Variants in MCC observed in about 807,000 individuals in gnomAD.
The protein encoded by MCC is MCC regulator of Wnt signaling pathway.
In MCC, 90 loss-of-function variants were observed where a neutral mutation model predicts 116.2. That is an observed-to-expected ratio of 0.77 (90% CI 0.65 to 0.92). The LOEUF is 0.92. Ranked by LOEUF, MCC falls within the 40% of genes least tolerant of loss-of-function variation. The pLI, the probability that MCC is intolerant of heterozygous loss-of-function variation, is 0.00. For synonymous variants in MCC, 578 were observed against 510.5 expected, an observed-to-expected ratio of 1.13 and a Z score of -1.78; for missense variants, 1,516 against 1,312.2, an observed-to-expected ratio of 1.16 and a Z score of -2.40.
At chr5:113,261,477 C>T (rs1306306128) in intron 3 of MCC, among the ~76,000 whole-genome samples, 1 of 152,100 alleles carries the variant, frequency 6.6e-6, no homozygotes, top group African/African-American at 2.4e-5. Flanking sequence ...TTTTCCTGAA[C>T]TTCTTCTGTA....
At chr5:113,333,851 G>GTACATATGTACATATA (rs1767797014) in intron 3 of MCC, among the ~76,000 whole-genome samples, 2 of 118,062 alleles carry the variant, frequency 1.7e-5, no homozygotes, top group African/African-American at 6.9e-5. Flanking sequence ...ATGTATATAT[G>GTACATATGTACATATA]TACATATATG....
chr5:113,428,954 T>A (rs1184516654), intron 1 of MCC, among the ~76,000 whole-genome samples: 3 of 152,242 alleles, frequency 2.0e-5, no homozygotes, highest in African/African-American at 7.2e-5. Context: ...TGTTTCCCAG[T>A]CTAGCTAATA....
At chr5:113,038,472 G>A (rs1379610758) in intron 17 of MCC, among the ~76,000 whole-genome samples, 2 of 152,142 alleles carry the variant, frequency 1.3e-5, no homozygotes, top group Non-Finnish European at 2.9e-5. Flanking sequence ...CATGGGAGAA[G>A]GAAATTCATG....
intron 3 of MCC, among the ~76,000 whole-genome samples, chr5:113,323,675 G>A (rs1767479225): frequency 6.6e-6 from 1 of 152,182 alleles, no homozygotes; most frequent in Non-Finnish European, 1.5e-5. Flanking sequence ...TTAACACATT[G>A]GGAATCCTTT....
chr5:113,089,644 G>A (rs7714275), intron 8 of MCC, among the ~76,000 whole-genome samples: 69,572 of 152,126 alleles, frequency 0.46, 17,474 homozygotes, highest in African/African-American at 0.69. Context: ...GGTGCCACAC[G>A]TGGCTGTAAG....
At chr5:113,090,017 T>G (rs984540338) in intron 8 of MCC, among the ~76,000 whole-genome samples, 1 of 152,202 alleles carries the variant, frequency 6.6e-6, no homozygotes, top group South Asian at 2.1e-4. Context: ...AGTCAACAAT[T>G]AGAGATGTAA....
At chr5:113,361,535 T>C (rs1768547815) in intron 2 of MCC, among the ~76,000 whole-genome samples, 1 of 152,262 alleles carries the variant, frequency 6.6e-6, no homozygotes, top group Admixed American at 6.5e-5. Flanking sequence ...AATTTCATCT[T>C]TGAGCCATGG....
intron 8 of MCC, among the ~76,000 whole-genome samples, chr5:113,100,665 G>T (rs1037610054): frequency 6.6e-6 from 1 of 151,868 alleles, no homozygotes; most frequent in African/African-American, 2.4e-5. Flanking sequence ...GGAGACGGGG[G>T]TTTCATCATA....
chr5:113,330,858 T>A (rs1054346136), intron 3 of MCC, among the ~76,000 whole-genome samples: 2 of 152,208 alleles, frequency 1.3e-5, no homozygotes, highest in Non-Finnish European at 2.9e-5. Flanking sequence ...AGAATCATTT[T>A]AAAAAATACT....
chr5:113,167,578 T>G (rs981774366), intron 3 of MCC, among the ~76,000 whole-genome samples: 3 of 152,154 alleles, frequency 2.0e-5, no homozygotes, highest in African/African-American at 7.2e-5. Context: ...TAAAACAATT[T>G]TTTTCTGGGG....
At chr5:113,068,210 C>A (rs201684332) in intron 12 of MCC, 27 bp from the exon 13 acceptor site, 58 of 1,577,280 alleles carry the variant, frequency 3.7e-5, no homozygotes, top group Non-Finnish European at 4.1e-5. Context: ...GGGGCCTCAG[C>A]CCTTGCAGAG....
intron 3 of MCC, among the ~76,000 whole-genome samples, chr5:113,207,661 T>C (rs1345955493): frequency 2.0e-5 from 3 of 152,184 alleles, no homozygotes; most frequent in Non-Finnish European, 4.4e-5. Flanking sequence ...TAAAGGGTTT[T>C]CCTAGGGCAC....
Position 113,022,851 on chromosome 5 carries a change from C to CTATT in MCC, c.*4447_*4450dup, listed in dbSNP as rs1233156242. 1 of 152,210 alleles carries CTATT rather than the reference C, an allele frequency of 6.6e-6. No individual in the cohort carries two copies. Among genetic ancestry groups the CTATT allele is most frequent in the Non-Finnish European group, 1.5e-5 (1 of 68,044 alleles). The allele number at this position is 152,210 out of a possible 1,614,324, so 9.4% of individuals were successfully genotyped here. ...AGGATGTGGTTTTACATAGCAGTTG[C>CTATT]TATTTCCGGGACTGAATGATTTCTT... On this transcript the variant is annotated 3_prime_UTR_variant, in exon 19 of 19. Transcript: ENST00000408903.
chr5:113,270,237 A>G (rs1048611461), intron 3 of MCC, among the ~76,000 whole-genome samples: 2 of 152,142 alleles, frequency 1.3e-5, no homozygotes, highest in African/African-American at 4.8e-5. Flanking sequence ...TAGGAATGTA[A>G]TAGTTCTAAG....
intron 3 of MCC, among the ~76,000 whole-genome samples, chr5:113,315,704 C>CAAAAAAAAAAAAAAAA (rs35274366): frequency 1.6e-5 from 1 of 64,470 alleles, no homozygotes; most frequent in Non-Finnish European, 3.1e-5. Context: ...CCCATCTCTA[C>CAAAAAAAAAAAAAAAA]AAAAAAAAAA....
chr5:113,449,039 A>G lies in MCC; in HGVS notation c.170+39206T>C, dbSNP rs1241905419. The stretch of plus-strand genomic sequence containing the variant: ...TACTATTAACCTTCAGTCAGTCATC[A>G]GTGTCTGCCCAGTCTCTACTGGTCA... On this transcript the variant is annotated intron_variant, in intron 1 of 18. Transcript: ENST00000408903. Among the ~76,000 whole-genome samples the G allele has an allele frequency of 2.0e-5, 3 of 152,368 alleles. No individual in the cohort carries two copies. In the East Asian group the frequency reaches 5.8e-4, roughly 29 times the overall value.
At chr5:113,364,238 G>GAAAAAAAAAAAAAAAAAAAAACAAAAA (rs1768626337) in intron 2 of MCC, among the ~76,000 whole-genome samples, 2 of 49,422 alleles carry the variant, frequency 4.0e-5, no homozygotes, top group Non-Finnish European at 7.2e-5. Flanking sequence ...CTCAAAAACA[G>GAAAAAAAAAAAAAAAAAAAAACAAAAA]AAAAAAAAAA....
chr5:113,051,383 C>T (rs982330736), intron 15 of MCC, among the ~76,000 whole-genome samples: 1 of 152,076 alleles, frequency 6.6e-6, no homozygotes, highest in Non-Finnish European at 1.5e-5. Context: ...AGATTTAAAA[C>T]AAAGTGATAC....
At chr5:113,211,600 G>A (rs1763138860) in intron 3 of MCC, among the ~76,000 whole-genome samples, 1 of 152,168 alleles carries the variant, frequency 6.6e-6, no homozygotes, top group Non-Finnish European at 1.5e-5. Flanking sequence ...GGTACTGTCA[G>A]CATATCTAAA....
Sources: gnomAD v4.1 joint callset for allele counts (sites outside exome capture counted in the v4.1 genomes callset) on GRCh38, gnomAD v4.1.1 for gene constraint, MANE v1.5 for transcripts, NCBI Gene and HGNC (gene_info 2026-07-23, HGNC 2026-07-21) for gene names.